The following GFRA2 variants were observed in gnomAD, a reference collection of about 807,000 sequenced individuals.
GFRA2 encodes the protein GDNF family receptor alpha 2, also known as GDNF family receptor alpha-2.
A neutral mutation model predicts 48.3 loss-of-function variants in GFRA2; 17 were observed. That is an observed-to-expected ratio of 0.35 (90% CI 0.24 to 0.53). The LOEUF (loss-of-function observed/expected upper bound fraction) is 0.53. GFRA2 is among the 20% of genes least tolerant of loss of function. The probability of loss-of-function intolerance (pLI) is 0.93; values close to 1 mark genes in which losing one functional copy is unlikely to be tolerated. For missense variants in GFRA2, 660 were observed against 637.3 expected, an observed-to-expected ratio of 1.04 and a Z score of -0.38; for synonymous variants, 305 against 257.2, an observed-to-expected ratio of 1.19 and a Z score of -1.78.
intron 2 of GFRA2, among the ~76,000 whole-genome samples, chr8:21,781,738 C>T (rs1806998599): frequency 6.6e-6 from 1 of 152,180 alleles, no homozygotes; most frequent in South Asian, 2.1e-4. Context: ...GTGTAGCAGA[C>T]AGTACGCTCT....
At chr8:21,804,358 T>C (rs898752517) in intron 2 of GFRA2, among the ~76,000 whole-genome samples, 3 of 151,430 alleles carry the variant, frequency 2.0e-5, no homozygotes, top group African/African-American at 7.3e-5. Flanking sequence ...ACGGGAATAA[T>C]AGAAATATCT....
rs1807023212 is a variant in GFRA2 at position 21,782,145 on chromosome 8, C to T, written c.355+440G>A. 3.9e-5 allele frequency among the ~76,000 whole-genome samples: 6 copies of T among 152,204 alleles called. 1 individual carries two copies. In the South Asian group the frequency reaches 1.2e-3, roughly 32 times the overall value. Reference sequence around the variant, plus strand: ...GAAGTGGCTGGTTTCTCAGCCTGCACCCAGCCTGCCCCTTCTCTCTCCTGG... The same window carrying T: ...GAAGTGGCTGGTTTCTCAGCCTGCATCCAGCCTGCCCCTTCTCTCTCCTGG... On this transcript the variant is annotated intron_variant, in intron 2 of 8. Transcript: ENST00000524240.
chr8:21,726,422 C>T (rs1362166865), intron 4 of GFRA2, among the ~76,000 whole-genome samples: 1 of 152,184 alleles, frequency 6.6e-6, no homozygotes, highest in African/African-American at 2.4e-5. Flanking sequence ...GCAGCTGTAA[C>T]AAATTACCAC....
At chr8:21,746,437 G>C (rs1805009773) in intron 4 of GFRA2, among the ~76,000 whole-genome samples, 1 of 151,960 alleles carries the variant, frequency 6.6e-6, no homozygotes, top group African/African-American at 2.4e-5. Flanking sequence ...AGGGAAAGAG[G>C]GATTGGAAGA....
chr8:21,714,599 G>A (rs962422146), intron 4 of GFRA2, among the ~76,000 whole-genome samples: 1 of 152,112 alleles, frequency 6.6e-6, no homozygotes, highest in Non-Finnish European at 1.5e-5. Context: ...GTTTGTCCTG[G>A]TTGCAGAAGT....
intron 7 of GFRA2, among the ~76,000 whole-genome samples, chr8:21,697,930 G>A (rs1035663898): frequency 6.6e-6 from 1 of 152,176 alleles, no homozygotes; most frequent in African/African-American, 2.4e-5. Flanking sequence ...CCGGCCATGT[G>A]GAACTGTGAG....
At chr8:21,724,564 C>T (rs542080758) in intron 4 of GFRA2, among the ~76,000 whole-genome samples, 38 of 152,264 alleles carry the variant, frequency 2.5e-4, no homozygotes, top group African/African-American at 8.4e-4. Context: ...AGACAAAGCC[C>T]TGTAAACCAG....
At chr8:21,728,768 C>G (rs918321081) in intron 4 of GFRA2, among the ~76,000 whole-genome samples, 6 of 152,204 alleles carry the variant, frequency 3.9e-5, no homozygotes, top group African/African-American at 1.4e-4. Flanking sequence ...GCGTCCTTAT[C>G]TGAACACAAA....
intron 3 of GFRA2, among the ~76,000 whole-genome samples, chr8:21,773,609 A>C (rs1387890703): frequency 6.6e-6 from 1 of 152,278 alleles, no homozygotes; most frequent in Admixed American, 6.5e-5. Context: ...CCAAAACTCA[A>C]ACCTTCAAGA....
intron 2 of GFRA2, among the ~76,000 whole-genome samples, chr8:21,802,745 C>A (rs1807793380): frequency 6.6e-6 from 1 of 152,110 alleles, no homozygotes; most frequent in South Asian, 2.1e-4. Flanking sequence ...TGTTTGGAAG[C>A]TATGGTGGTA....
intron 3 of GFRA2, among the ~76,000 whole-genome samples, chr8:21,769,896 AC>A (rs1479299208): frequency 6.6e-6 from 1 of 152,196 alleles, no homozygotes; most frequent in Non-Finnish European, 1.5e-5. Flanking sequence ...AAGAAGGACC[AC>A]AGGAGCATCC....
upstream of GFRA2, among the ~76,000 whole-genome samples, chr8:21,789,823 C>T (rs1807504356): frequency 6.6e-6 from 1 of 152,088 alleles, no homozygotes; most frequent in African/African-American, 2.4e-5. Context: ...GGCCAGGGCG[C>T]CCTGACCACC....
intron 3 of GFRA2, among the ~76,000 whole-genome samples, chr8:21,759,485 A>AGAAAG (rs1805778923): frequency 1.4e-5 from 1 of 71,776 alleles, no homozygotes; most frequent in Non-Finnish European, 2.6e-5. Flanking sequence ...AAAGAAGGAA[A>AGAAAG]GAAGGAAGGA....
At chr8:21,718,772 T>G (rs890083767) in intron 4 of GFRA2, among the ~76,000 whole-genome samples, 1 of 152,086 alleles carries the variant, frequency 6.6e-6, no homozygotes, top group Admixed American at 6.5e-5. Context: ...GCTAAGGAAA[T>G]AGAGCCCTAG....
In GFRA2 at chr8:21,750,939, G is replaced by A. The variant is rs746027574; in HGVS notation, c.443C>T (p.Thr148Ile). ...IFRLASIFSG[T>I]GADPVVSAKS... Reference sequence around the variant, plus strand: ...GGCGCTGACCACCGGGTCTGCCCCTGTCCCTGGAGGAGGAACAAGAGAGCA... The same window carrying A: ...GGCGCTGACCACCGGGTCTGCCCCTATCCCTGGAGGAGGAACAAGAGAGCA... Residue 148 changes from threonine to isoleucine, a missense_variant, in exon 4 of 9, where the codon ACA (threonine) becomes ATA (isoleucine). Physicochemically the swap from Thr to Ile is moderately conservative, Grantham distance 89 (BLOSUM62 -1). Transcript: ENST00000524240. This position sits in a 1 kb window ranked among gnomAD's most constrained non-coding sequence, Gnocchi z 5.7. 7.5e-6 allele frequency: 12 copies of A among 1,607,616 alleles called. No individual in the cohort carries two copies. The highest frequency in any genetic ancestry group is 9.4e-6 in the Non-Finnish European group (11 of 1,175,950).
intron 4 of GFRA2, among the ~76,000 whole-genome samples, chr8:21,743,544 G>A (rs2117559993): frequency 6.6e-6 from 1 of 152,326 alleles, no homozygotes; most frequent in South Asian, 2.1e-4. Flanking sequence ...TAGGTTCTAA[G>A]TGCCGCAAGG....
At chr8:21,762,028 T>C (rs1453334051) in intron 3 of GFRA2, among the ~76,000 whole-genome samples, 2 of 152,116 alleles carry the variant, frequency 1.3e-5, no homozygotes, top group Non-Finnish European at 2.9e-5. Context: ...CTGGCTACCT[T>C]CACATTACAC....
chr8:21,756,356 G>A (rs10101618), intron 3 of GFRA2, among the ~76,000 whole-genome samples: 14,893 of 152,244 alleles, frequency 0.098, 2,221 homozygotes, highest in African/African-American at 0.32. Flanking sequence ...GATACCCCGT[G>A]ATCCTCCCAG....
chr8:21,735,949 G>C (rs141004403), intron 4 of GFRA2, among the ~76,000 whole-genome samples: 1 of 152,174 alleles, frequency 6.6e-6, no homozygotes, highest in Non-Finnish European at 1.5e-5. Flanking sequence ...TAAAGCACCT[G>C]GCCACATTCT....
Sources: allele counts gnomAD v4.1 joint callset (sites outside exome capture counted in the v4.1 genomes callset), GRCh38; gene constraint gnomAD v4.1.1; non-coding constraint Gnocchi (gnomAD v3.1); transcripts MANE v1.5; gene names NCBI Gene and HGNC (gene_info 2026-07-23, HGNC 2026-07-21).